ARHGEF3: variants seen among roughly 807,000 people sequenced by gnomAD.
ARHGEF3 encodes Rho guanine nucleotide exchange factor 3, also known as 59.8 kDA protein.
ARHGEF3 carries 28 observed loss-of-function variants against 63.2 expected under a neutral mutation model. The observed-to-expected ratio is 0.44, with a 90% CI of 0.33 to 0.61. The LOEUF (loss-of-function observed/expected upper bound fraction) is 0.61. Among genes scored for constraint, ARHGEF3 ranks in the 20% least tolerant of loss-of-function variants. The probability of loss-of-function intolerance (pLI) is 0.03; values close to 1 mark genes in which losing one functional copy is unlikely to be tolerated. For synonymous variants in ARHGEF3, 266 were observed against 254.2 expected (o/e 1.05, Z -0.44); for missense variants, 533 against 659.3 (o/e 0.81, Z 2.10).
intron 4 of ARHGEF3, among the ~76,000 whole-genome samples, chr3:56,869,304 C>T (rs1578721685): frequency 6.6e-6 from 1 of 152,172 alleles, no homozygotes; most frequent in Non-Finnish European, 1.5e-5. Flanking sequence ...CCCGTGATTT[C>T]GTTTCAAATG....
rs754074079 is a variant in ARHGEF3, at chr3:56,741,184, C to CCTTTT, written c.871-3830_871-3829insAAAAG. On this transcript the variant is annotated intron_variant, in intron 7 of 9. Coordinates refer to ENST00000296315, the MANE Select transcript of ARHGEF3 (RefSeq NM_019555.3). The stretch of plus-strand genomic sequence containing the variant: ...AGAATCTTATCTCTCTGCTTTGGTT[C>CCTTTT]TTTTTTTTTTTTTTTTTGGAGACTG... Among the ~76,000 whole-genome samples the CCTTTT allele has an allele frequency of 6.4e-4, 83 of 128,856 alleles. 2 individuals are homozygous for CCTTTT. Among genetic ancestry groups the CCTTTT allele is most frequent in the South Asian group, 9.6e-4 (4 of 4,160 alleles). 84.5% of individuals were successfully genotyped at this position (128,856 alleles called of 152,430 possible).
chr3:56,753,642 C>G, intron 3 of ARHGEF3, 76 bp from the exon 4 acceptor site: 2 of 1,234,856 alleles, frequency 1.6e-6, no homozygotes, highest in Non-Finnish European at 1.2e-6. Context: ...GCTGGCTCCA[C>G]CACTCAAAAC....
chr3:56,831,724 C>A (rs4681908), intron 4 of ARHGEF3, among the ~76,000 whole-genome samples: 1 of 152,194 alleles, frequency 6.6e-6, no homozygotes, highest in African/African-American at 2.4e-5. Flanking sequence ...TCCCAGCACA[C>A]TGGTGTGTAC....
chr3:56,754,268 T>C (rs1464103916), intron 3 of ARHGEF3, among the ~76,000 whole-genome samples: 1 of 152,202 alleles, frequency 6.6e-6, no homozygotes, highest in African/African-American at 2.4e-5. Context: ...TTCACTTCCA[T>C]CTGGGAAGTC....
chr3:56,987,093 T>G (rs949757043), intron 2 of ARHGEF3, among the ~76,000 whole-genome samples: 1 of 152,064 alleles, frequency 6.6e-6, no homozygotes, highest in Non-Finnish European at 1.5e-5. Flanking sequence ...ATGCCTGTAG[T>G]CCCAGCTACT....
chr3:57,074,008 C>G (rs1417874609), intron 1 of ARHGEF3: 1 of 1,614,164 alleles, frequency 6.2e-7, no homozygotes, highest in African/African-American at 1.3e-5. Context: ...CTGGGAAGAC[C>G]CTCTTCACCT....
At chr3:56,932,827 A>C (rs1445199797) in intron 3 of ARHGEF3, among the ~76,000 whole-genome samples, 1 of 152,188 alleles carries the variant, frequency 6.6e-6, no homozygotes, top group Non-Finnish European at 1.5e-5. Flanking sequence ...CTAATTCTGA[A>C]GCTTTAAAAA....
chr3:57,052,563 C>T (rs193119276), intron 1 of ARHGEF3, among the ~76,000 whole-genome samples: 1 of 152,204 alleles, frequency 6.6e-6, no homozygotes, highest in East Asian at 1.9e-4. Context: ...TCCCAAAGTG[C>T]TGGGATTACA....
chr3:56,987,725 C>G (rs908394223), intron 2 of ARHGEF3, among the ~76,000 whole-genome samples: 1 of 152,158 alleles, frequency 6.6e-6, no homozygotes, highest in Non-Finnish European at 1.5e-5. Flanking sequence ...CTCACTCCCC[C>G]TACCGTGCAC....
At position 56,780,209 on chromosome 3, in the gene ARHGEF3, A is replaced by G. The variant is rs530193741; in HGVS notation, c.97-6393T>C. On this transcript the variant is annotated intron_variant, in intron 1 of 9. Coordinates refer to ENST00000296315, the MANE Select transcript of ARHGEF3 (RefSeq NM_019555.3). ...AGCACAGTACTTTGTGAATAGCAAG[A>G]TAATTATCAGAGCCTAGAATAGGGC... Among the ~76,000 whole-genome samples the G allele has an allele frequency of 3.9e-5, 6 of 152,356 alleles. No homozygotes were observed. In the South Asian group the frequency reaches 1.0e-3, roughly 26 times the overall value.
At chr3:56,743,250 G>A (rs2107726325) in intron 7 of ARHGEF3, among the ~76,000 whole-genome samples, 1 of 152,340 alleles carries the variant, frequency 6.6e-6, no homozygotes, top group South Asian at 2.1e-4. Context: ...TCAGAAGAGG[G>A]TCCTTTATTC....
At chr3:56,741,496 C>CTTTTTT (rs71072191) in intron 7 of ARHGEF3, among the ~76,000 whole-genome samples, 8 of 50,510 alleles carry the variant, frequency 1.6e-4, no homozygotes, top group African/African-American at 3.3e-4. Context: ...TACATTGGTT[C>CTTTTTT]TTTTTTTTTT....
At chr3:56,832,097 T>TAC (rs2038951761) in intron 4 of ARHGEF3, among the ~76,000 whole-genome samples, 1 of 151,968 alleles carries the variant, frequency 6.6e-6, no homozygotes, top group Non-Finnish European at 1.5e-5. Context: ...AGTGGGATCT[T>TAC]AGCAGGCAAA....
intron 2 of ARHGEF3, chr3:57,007,088 G>T: frequency 9.2e-7 from 1 of 1,085,644 alleles, no homozygotes; most frequent in Non-Finnish European, 1.2e-6. Flanking sequence ...GGTGTGCTCA[G>T]CATGTGAAAC....
Position 56,729,262 on chromosome 3 carries a change from T to C in ARHGEF3, c.*8A>G. On this transcript the variant is annotated 3_prime_UTR_variant, in exon 10 of 10. Transcript: ENST00000296315. ...GCAGGCCTGCTTCCCGAAGTGCACA[T>C]GCTTCTGTCAGACGTTACTTTCACC... 3 of 1,605,130 alleles carry C rather than the reference T, an allele frequency of 1.9e-6. No homozygotes were observed. The highest frequency in any genetic ancestry group is 2.6e-6 in the Non-Finnish European group (3 of 1,174,824).
At chr3:56,827,535 C>A (rs1364480448) in intron 4 of ARHGEF3, among the ~76,000 whole-genome samples, 1 of 152,008 alleles carries the variant, frequency 6.6e-6, no homozygotes, top group Non-Finnish European at 1.5e-5. Context: ...GGATTAAATG[C>A]ACATGAATGC....
intron 1 of ARHGEF3, among the ~76,000 whole-genome samples, chr3:56,782,176 CT>C (rs1013904218): frequency 6.6e-6 from 1 of 151,960 alleles, no homozygotes; most frequent in Non-Finnish European, 1.5e-5. Context: ...TTTTTCTGTT[CT>C]TTTTTTCCCC....
intron 1 of ARHGEF3, chr3:57,074,523 C>T (rs12636899): frequency 1.0e-5 from 5 of 495,578 alleles, no homozygotes; most frequent in African/African-American, 7.7e-5. Context: ...TACTCTTAGC[C>T]CCCGGGGAAC....
intron 4 of ARHGEF3, among the ~76,000 whole-genome samples, chr3:56,843,221 AC>A (rs1174952375): frequency 6.6e-6 from 1 of 152,152 alleles, no homozygotes; most frequent in Admixed American, 6.5e-5. Flanking sequence ...TTAGCTTAGC[AC>A]ACAAATGATA....
Sources: allele counts gnomAD v4.1 joint callset (sites outside exome capture counted in the v4.1 genomes callset), GRCh38; gene constraint gnomAD v4.1.1; transcripts MANE v1.5; gene names NCBI Gene and HGNC (gene_info 2026-07-23, HGNC 2026-07-21).